The following DLGAP2 variants were observed in gnomAD, a reference collection of about 807,000 sequenced individuals.
DLGAP2 encodes the protein disks large-associated protein 2.
A neutral mutation model predicts 100.3 loss-of-function variants in DLGAP2; 26 were observed. The ratio of observed to expected loss-of-function variants is 0.26; its 90% CI spans 0.19 to 0.36. DLGAP2 has a LOEUF of 0.36. DLGAP2 is among the 10% of genes least tolerant of loss of function. DLGAP2 has a pLI of 1.00. For missense variants in DLGAP2, 1,858 were observed against 1,453.2 expected (o/e 1.28, Z -4.53); for synonymous variants, 886 against 630.1 (o/e 1.41, Z -6.08).
chr8:806,805 A>G (rs956045762), intron 1 of DLGAP2, among the ~76,000 whole-genome samples: 1 of 152,244 alleles, frequency 6.6e-6, no homozygotes, highest in Admixed American at 6.5e-5. Flanking sequence ...TCTTCTTATT[A>G]AAGAGGTTAT....
intron 5 of DLGAP2, among the ~76,000 whole-genome samples, chr8:1,556,896 G>A (rs954016966): frequency 2.6e-5 from 4 of 152,288 alleles, no homozygotes; most frequent in Middle Eastern, 3.4e-3. Flanking sequence ...TGTACATCCC[G>A]GGAGGCAGCA....
intron 2 of DLGAP2, among the ~76,000 whole-genome samples, chr8:1,122,178 C>G (rs566408557): frequency 6.6e-6 from 1 of 152,284 alleles, no homozygotes; most frequent in African/African-American, 2.4e-5. Flanking sequence ...AGGGATCATT[C>G]GGTTCCACAG....
In DLGAP2 at chr8:1,701,427, C is replaced by G. The variant is rs769251162; in HGVS notation, c.*21C>G. On this transcript the variant is annotated 3_prime_UTR_variant, in exon 15 of 15. Transcript: ENST00000637795. ...TCTGAGGGCGGAGGCCGGCGCCTTC[C>G]CCTCGTCGCTTCCGCTTTCCCGGAC... 8 of 1,560,204 alleles carry G rather than the reference C, an allele frequency of 5.1e-6. No homozygotes were observed. The highest frequency in any genetic ancestry group is 6.9e-6 in the Non-Finnish European group (8 of 1,153,966).
At chr8:880,629 C>A in intron 1 of DLGAP2, among the ~76,000 whole-genome samples, 1 of 142,356 alleles carries the variant, frequency 7.0e-6, no homozygotes, top group Non-Finnish European at 1.5e-5. Context: ...CCAGCCCTTG[C>A]CTGCGACATG....
At chr8:1,083,999 G>T (rs1803892815) in intron 2 of DLGAP2, among the ~76,000 whole-genome samples, 1 of 152,144 alleles carries the variant, frequency 6.6e-6, no homozygotes. Context: ...CCCTGTGATT[G>T]TAAGCTCCTG....
chr8:1,153,633 C>CT (rs1408615430), intron 2 of DLGAP2, among the ~76,000 whole-genome samples: 2 of 152,102 alleles, frequency 1.3e-5, no homozygotes, highest in Non-Finnish European at 2.9e-5. Context: ...ATTTTTTAGA[C>CT]TTTTCACAGG....
chr8:954,353 C>T (rs1190949885), intron 2 of DLGAP2, among the ~76,000 whole-genome samples: 2 of 152,160 alleles, frequency 1.3e-5, no homozygotes, highest in African/African-American at 2.4e-5. Context: ...TTCTCCATCC[C>T]TCTCGCCTCC....
chr8:1,506,776 CAAAG>C (rs1351650523), intron 4 of DLGAP2, among the ~76,000 whole-genome samples: 1 of 152,168 alleles, frequency 6.6e-6, no homozygotes, highest in Non-Finnish European at 1.5e-5. Flanking sequence ...CTGAGCTAGA[CAAAG>C]AGTGCTGATT....
intron 3 of DLGAP2, among the ~76,000 whole-genome samples, chr8:1,411,190 A>C (rs984903865): frequency 3.9e-5 from 6 of 152,218 alleles, no homozygotes; most frequent in East Asian, 1.9e-4. Flanking sequence ...ACTACAGAGA[A>C]ATTATTCATT....
chr8:746,423 C>T (rs996251282), intron 1 of DLGAP2, among the ~76,000 whole-genome samples: 29 of 152,200 alleles, frequency 1.9e-4, no homozygotes, highest in Non-Finnish European at 2.2e-4. Context: ...CATTGGATCC[C>T]GTGTGGGGTC....
At chr8:1,354,008 T>C (rs73170485) in intron 3 of DLGAP2, among the ~76,000 whole-genome samples, 25,616 of 152,178 alleles carry the variant, frequency 0.17, 2,599 homozygotes, top group East Asian at 0.32. Flanking sequence ...CTATTTATGA[T>C]GGAGTGGCAG....
intron 2 of DLGAP2, among the ~76,000 whole-genome samples, chr8:1,128,895 A>G (rs1265042454): frequency 6.6e-6 from 1 of 152,202 alleles, no homozygotes; most frequent in Non-Finnish European, 1.5e-5. Context: ...AGCATGAGTT[A>G]ACCTGGATGG....
At chr8:1,385,820 C>T (rs1345915529) in intron 3 of DLGAP2, among the ~76,000 whole-genome samples, 10 of 149,908 alleles carry the variant, frequency 6.7e-5, no homozygotes, top group African/African-American at 2.2e-4. Context: ...GAACTTGGTG[C>T]ACAGTTACCC....
rs1336601901 is a variant in DLGAP2 at position 1,701,301 on chromosome 8, G to T, written c.3063G>T (p.Arg1021Ser). 3 of 1,585,422 alleles carry T rather than the reference G, an allele frequency of 1.9e-6. No individual in the cohort carries two copies. ...ACAGACAACGCCAGGAAGCCCGGAG[G>T]CGCCTCATGGCCGCCAAGCGAGCGG... is the stretch of plus-strand genomic sequence containing the variant. ...LPDRQRQEAR[R>S]RLMAAKRAAS... The change falls in exon 15 of 15, where the codon AGG becomes AGT. Residue 1021 changes from arginine to serine, a missense_variant. Physicochemically the swap from Arg to Ser is moderately radical, Grantham distance 110. Coordinates refer to ENST00000637795, the MANE Select transcript of DLGAP2 (RefSeq NM_001346810.2).
At chr8:1,367,983 C>A (rs1325755891) in intron 3 of DLGAP2, among the ~76,000 whole-genome samples, 1 of 152,222 alleles carries the variant, frequency 6.6e-6, no homozygotes, top group African/African-American at 2.4e-5. Flanking sequence ...TCAGGATTCA[C>A]CTCCCTCCTC....
intron 2 of DLGAP2, among the ~76,000 whole-genome samples, chr8:1,145,983 T>G (rs1289234710): frequency 1.3e-5 from 2 of 152,068 alleles, no homozygotes; most frequent in Non-Finnish European, 2.9e-5. Context: ...ATGGTGTATA[T>G]GTGCCACATT....
At chr8:1,359,125 C>T (rs948666386) in intron 3 of DLGAP2, among the ~76,000 whole-genome samples, 4 of 152,166 alleles carry the variant, frequency 2.6e-5, no homozygotes, top group East Asian at 1.9e-4. Flanking sequence ...GGGGACTGCA[C>T]GTGGAGAACC....
At chr8:779,372 A>G (rs1444405739) in intron 1 of DLGAP2, among the ~76,000 whole-genome samples, 1 of 151,966 alleles carries the variant, frequency 6.6e-6, no homozygotes, top group Non-Finnish European at 1.5e-5. Flanking sequence ...TCCCCTGTGA[A>G]TCACTTCTTT....
chr8:796,250 C>T (rs181468093), intron 1 of DLGAP2, among the ~76,000 whole-genome samples: 5 of 152,150 alleles, frequency 3.3e-5, no homozygotes, highest in Non-Finnish European at 5.9e-5. Flanking sequence ...CCGGGCTCCC[C>T]GGTGATGAGC....
Sources: allele counts gnomAD v4.1 joint callset (sites outside exome capture counted in the v4.1 genomes callset), GRCh38; gene constraint gnomAD v4.1.1; transcripts MANE v1.5; gene names NCBI Gene and HGNC (gene_info 2026-07-23, HGNC 2026-07-21).